UNC80: variants seen among roughly 807,000 people sequenced by gnomAD.
UNC80 encodes the protein protein unc-80 homolog.
In UNC80, 164 loss-of-function variants were observed where a neutral mutation model predicts 384.6. The observed-to-expected ratio is 0.43, with a 90% CI of 0.38 to 0.49. The LOEUF (loss-of-function observed/expected upper bound fraction) is 0.49, where lower values mean the gene tolerates loss of function less well. UNC80 is among the 20% of genes least tolerant of loss of function. The pLI is 0.00. For synonymous variants in UNC80, 1,486 were observed against 1,527.8 expected (o/e 0.97, Z 0.64); for missense variants, 3,330 against 4,143.0 (o/e 0.80, Z 5.39).
At chr2:209,992,649 A>C (rs1427575421) in intron 62 of UNC80, among the ~76,000 whole-genome samples, 2 of 152,174 alleles carry the variant, frequency 1.3e-5, no homozygotes, top group Non-Finnish European at 2.9e-5. Context: ...CTATAATTCT[A>C]TTTGTTCCTT....
chr2:209,819,830 A>G (rs765821481), intron 12 of UNC80, among the ~76,000 whole-genome samples: 1 of 152,236 alleles, frequency 6.6e-6, no homozygotes. Flanking sequence ...AACATAATTT[A>G]AACATGCAAA....
Position 209,888,233 on chromosome 2 carries a change from T to C in UNC80, c.4249T>C (p.Ser1417Pro). 1 of 1,551,650 alleles carries C rather than the reference T, an allele frequency of 6.4e-7. No homozygotes were observed. Among genetic ancestry groups the C allele is most frequent in the East Asian group, 2.4e-5 (1 of 40,914 alleles). The change falls in exon 26 of 65, where the codon TCA becomes CCA. Residue 1417 changes from serine (S) to proline (P), a missense_variant. By Grantham distance (74) the Ser-to-Pro change is moderately conservative. Coordinates refer to ENST00000673920, the MANE Select transcript of UNC80 (RefSeq NM_001371986.1). ...SLHSSSHTLK[S>P]DAGVEEKKVP... is the part of the protein sequence containing the mutation. ...CCACAGCAGCAGCCACACTCTCAAA[T>C]CAGATGCAGGAGTCGAGGAGAAGAA...
intron 7 of UNC80, chr2:209,809,161 G>A (rs569667812): frequency 6.5e-6 from 4 of 619,680 alleles, no homozygotes; most frequent in South Asian, 5.5e-5. Flanking sequence ...GGCGGAGGCC[G>A]ATACCACCTT....
intron 31 of UNC80, among the ~76,000 whole-genome samples, chr2:209,915,142 G>A (rs998613878): frequency 1.3e-5 from 2 of 151,834 alleles, no homozygotes; most frequent in African/African-American, 2.4e-5. Context: ...GCCAGGAAGG[G>A]AAGATGGTGT....
intron 7 of UNC80, among the ~76,000 whole-genome samples, chr2:209,794,233 T>C (rs1245544570): frequency 1.3e-5 from 2 of 152,232 alleles, no homozygotes; most frequent in East Asian, 3.8e-4. Flanking sequence ...AATTAGTGCT[T>C]CTAAATCACA....
rs369408644 is a variant in UNC80, at chr2:209,866,533, CAGAGAGAG to C, written c.3628-6199_3628-6192del. Among the ~76,000 whole-genome samples the C allele has an allele frequency of 2.7e-3, 285 of 104,078 alleles. 1 individual carries two copies. The highest frequency in any genetic ancestry group is 8.6e-3 in the African/African-American group (215 of 25,006). The allele number at this position is 104,078 out of a possible 152,430, so 68.3% of individuals were successfully genotyped here. A position where few individuals can be genotyped will look rare whatever the true frequency, so the allele number is the denominator to read the frequency against. ...ACACACACACACACACACACACACA[CAGAGAGAG>C]AGAGAGAGAGAGAGAGAGAGAGAGA... On this transcript the variant is annotated intron_variant, in intron 22 of 64. Coordinates refer to ENST00000673920, the MANE Select transcript of UNC80 (RefSeq NM_001371986.1).
chr2:209,952,182 G>C (rs1017532777), intron 47 of UNC80, among the ~76,000 whole-genome samples: 7 of 152,114 alleles, frequency 4.6e-5, no homozygotes, highest in African/African-American at 1.4e-4. Flanking sequence ...TATATCATCT[G>C]TTCCTTTCCT....
intron 59 of UNC80, among the ~76,000 whole-genome samples, chr2:209,981,485 T>C (rs945705670): frequency 1.3e-4 from 20 of 152,312 alleles, no homozygotes; most frequent in African/African-American, 4.6e-4. Context: ...GGCTGAGGCA[T>C]GGGAACCACT....
chr2:209,807,789 A>T (rs1022128328), intron 7 of UNC80, among the ~76,000 whole-genome samples: 1 of 152,234 alleles, frequency 6.6e-6, no homozygotes, highest in Admixed American at 6.5e-5. Context: ...CTTAAATGAA[A>T]TAAAAATATT....
chr2:209,947,421 C>A (rs1386463162), intron 47 of UNC80, among the ~76,000 whole-genome samples: 1 of 152,214 alleles, frequency 6.6e-6, no homozygotes, highest in Non-Finnish European at 1.5e-5. Context: ...TCCATTGAGT[C>A]ATAAAATTCT....
At position 209,959,136 on chromosome 2, in the gene UNC80, C is replaced by T; in HGVS notation, c.7568C>T (p.Ala2523Val). Residue 2523 changes from alanine to valine, a missense_variant, in exon 50 of 65, where the codon GCC becomes GTC. Physicochemically the swap from Ala to Val is moderately conservative, Grantham distance 64. This residue lies in a region of UNC80 where 1,049 missense variants were observed against 1,488.6 expected (regional missense o/e 0.70). Transcript: ENST00000673920. ...GVNTRYQEQG[A>V]KLHFIRENLH... ...ACTCCCAGGTACCAGGAACAAGGAG[C>T]CAAACTGCACTTTATCAGGTACAGA... 6.4e-7 allele frequency: 1 copy of T among 1,552,070 alleles called. No homozygotes were observed. Among genetic ancestry groups the T allele is most frequent in the African/African-American group, 1.4e-5 (1 of 73,146 alleles).
chr2:209,982,501 C>T, intron 60 of UNC80, 184 bp downstream of exon 60: 1 of 676,896 alleles, frequency 1.5e-6, no homozygotes, highest in Non-Finnish European at 2.1e-6. Flanking sequence ...GTTTTCTAAG[C>T]CAAGCTAGTA....
intron 28 of UNC80, among the ~76,000 whole-genome samples, chr2:209,903,762 A>C (rs374313441): frequency 1.3e-5 from 2 of 149,684 alleles, no homozygotes; most frequent in African/African-American, 4.9e-5. Flanking sequence ...CACATTTATT[A>C]GCTTATAGTC....
chr2:209,880,141 C>A (rs2085155072), intron 24 of UNC80, among the ~76,000 whole-genome samples: 1 of 152,076 alleles, frequency 6.6e-6, no homozygotes, highest in Non-Finnish European at 1.5e-5. Context: ...ATTTCTACAT[C>A]ATCCTGTGTC....
intron 53 of UNC80, 136 bp from the exon 54 acceptor site, chr2:209,970,696 A>G (rs1432552807): frequency 2.5e-6 from 3 of 1,187,398 alleles, no homozygotes; most frequent in East Asian, 2.6e-5. Context: ...GAAGGCAACA[A>G]GAAAGAAAAG....
At chr2:209,797,569 A>G (rs948207999) in intron 7 of UNC80, among the ~76,000 whole-genome samples, 1 of 152,142 alleles carries the variant, frequency 6.6e-6, no homozygotes, top group South Asian at 2.1e-4. Flanking sequence ...TATCCAGTCT[A>G]TCATTGATGG....
chr2:209,819,576 CA>C (rs1211770382), intron 12 of UNC80, among the ~76,000 whole-genome samples: 1 of 150,900 alleles, frequency 6.6e-6, no homozygotes, highest in African/African-American at 2.4e-5. Flanking sequence ...AGAATGAGGG[CA>C]AAAAAATTCT....
intron 15 of UNC80, among the ~76,000 whole-genome samples, chr2:209,831,175 G>A (rs1233134138): frequency 6.6e-6 from 1 of 151,430 alleles, no homozygotes; most frequent in Non-Finnish European, 1.5e-5. Flanking sequence ...AAACTTAAGA[G>A]TTGGTTTCCT....
In UNC80 at chr2:209,820,296, T is replaced by C; in HGVS notation, c.1963-15T>C. ...AGGTAACTTAATCATGCTGTGTTTA[T>C]CTTGTTTTCCTCAGGTAGTTCTGAA... On this transcript the variant is annotated splice_polypyrimidine_tract_variant and intron_variant, in intron 12 of 64. Transcript: ENST00000673920. 1 of 1,515,636 alleles carries C rather than the reference T, an allele frequency of 6.6e-7. No homozygotes were observed. The highest frequency in any genetic ancestry group is 1.3e-5 in the South Asian group (1 of 76,134). 93.9% of individuals were successfully genotyped at this position (1,515,636 alleles called of 1,614,324 possible). A position where few individuals can be genotyped will look rare whatever the true frequency, so the allele number is the denominator to read the frequency against.
Sources: gnomAD v4.1 joint callset for allele counts (sites outside exome capture counted in the v4.1 genomes callset) on GRCh38, gnomAD v4.1.1 for gene constraint, gnomAD v4.1.1 regional missense constraint, MANE v1.5 for transcripts, NCBI Gene and HGNC (gene_info 2026-07-23, HGNC 2026-07-21) for gene names.